CORO2B: variants seen among roughly 807,000 people sequenced by gnomAD.
CORO2B encodes the protein coronin-2B.
A neutral mutation model predicts 58.8 loss-of-function variants in CORO2B; 26 were observed. The ratio of observed to expected loss-of-function variants is 0.44; its 90% CI spans 0.32 to 0.61. CORO2B has a LOEUF of 0.61. CORO2B is among the 20% of genes least tolerant of loss of function. The pLI is 0.04. For missense variants in CORO2B, 460 were observed against 645.1 expected, an observed-to-expected ratio of 0.71 and a Z score of 3.11; for synonymous variants, 242 against 253.8, an observed-to-expected ratio of 0.95 and a Z score of 0.44.
intron 3 of CORO2B, among the ~76,000 whole-genome samples, chr15:68,708,708 C>T (rs897893127): frequency 1.3e-5 from 2 of 151,850 alleles, no homozygotes; most frequent in Non-Finnish European, 2.9e-5. Flanking sequence ...GAGACAGAGT[C>T]TCGCTCTGTT....
At chr15:68,558,997 CT>C in the CORO2B span, among the ~76,000 whole-genome samples, 1 of 152,338 alleles carries the variant, frequency 6.6e-6, no homozygotes, top group Non-Finnish European at 1.5e-5. Flanking sequence ...TCTTTCCCTA[CT>C]TTACCATCTT....
chr15:68,651,772 C>T (rs1901649552), intron 2 of CORO2B, among the ~76,000 whole-genome samples: 1 of 152,166 alleles, frequency 6.6e-6, no homozygotes, highest in Non-Finnish European at 1.5e-5. Flanking sequence ...GCCCAGGATC[C>T]CCAAATCCCT....
intron 2 of CORO2B, among the ~76,000 whole-genome samples, chr15:68,653,686 G>A (rs1369822907): frequency 6.6e-6 from 1 of 152,120 alleles, no homozygotes; most frequent in African/African-American, 2.4e-5. Flanking sequence ...CATGTCTGAG[G>A]CCTAATATTA....
chr15:68,560,383 C>T, the CORO2B span, among the ~76,000 whole-genome samples: 1 of 151,790 alleles, frequency 6.6e-6, no homozygotes, highest in South Asian at 2.1e-4. Context: ...CAGCCTCAAA[C>T]TCCTGGGCTC....
intron 3 of CORO2B, among the ~76,000 whole-genome samples, chr15:68,700,803 GGA>G (rs10548187): frequency 0.92 from 140,406 of 151,952 alleles, 65,222 homozygotes; most frequent in East Asian, 1. Context: ...CAGCAGCCGC[GGA>G]GAGAGAGAGA....
the CORO2B span, among the ~76,000 whole-genome samples, chr15:68,536,255 T>C: frequency 6.6e-6 from 1 of 152,222 alleles, no homozygotes; most frequent in African/African-American, 2.4e-5. Context: ...CTGGTAGGAA[T>C]CTTGCATGAG....
chr15:68,645,422 C>A lies in CORO2B; in HGVS notation c.216+62C>A. On this transcript the variant is annotated intron_variant, in intron 2 of 11. Transcript: ENST00000261861. This position sits in a 1 kb window ranked among gnomAD's most constrained non-coding sequence, Gnocchi z 4.5. ...AGGGCAGAGAGGAGCCCTCCTTGGT[C>A]TCTCTTAGGCCTGTTGACCCTACTT... 1 of 1,523,272 alleles carries A rather than the reference C, an allele frequency of 6.6e-7. No homozygotes were observed. Among genetic ancestry groups the A allele is most frequent in the South Asian group, 1.2e-5 (1 of 86,944 alleles). The allele number at this position is 1,523,272 out of a possible 1,614,324, so 94.4% of individuals were successfully genotyped here. A position where few individuals can be genotyped will look rare whatever the true frequency, so the allele number is the denominator to read the frequency against.
Position 68,645,180 on chromosome 15 carries a change from C to T in CORO2B, c.36C>T (p.Tyr12=). 1 of 1,614,190 alleles carries T rather than the reference C, an allele frequency of 6.2e-7. No homozygotes were observed. The highest frequency in any genetic ancestry group is 1.3e-5 in the African/African-American group (1 of 75,064). ...TVTKMSWRPQ[Y]RSSKFRNVYG... ...CACAGATGTCCTGGCGTCCGCAATA[C>T]CGTAGCTCCAAGTTCCGGAATGTCT... The change falls in exon 2 of 12, where the codon TAC becomes TAT. Residue 12 remains tyrosine (Y), a synonymous_variant. Coordinates refer to ENST00000261861, the MANE Select transcript of CORO2B (RefSeq NM_006091.5). This position sits in a 1 kb window ranked among gnomAD's most constrained non-coding sequence, Gnocchi z 4.5.
chr15:68,566,383 G>A, the CORO2B span, among the ~76,000 whole-genome samples: 4 of 152,234 alleles, frequency 2.6e-5, no homozygotes, highest in South Asian at 2.1e-4. Flanking sequence ...CAGGCTGGCT[G>A]GTTCTAAAGC....
chr15:68,649,814 T>C (rs1901575434), intron 2 of CORO2B, among the ~76,000 whole-genome samples: 2 of 152,208 alleles, frequency 1.3e-5, no homozygotes, highest in South Asian at 4.1e-4. Flanking sequence ...TCTGGCTTAT[T>C]AGAAGACAGC....
At chr15:68,651,799 T>C (rs1191317795) in intron 2 of CORO2B, among the ~76,000 whole-genome samples, 4 of 152,188 alleles carry the variant, frequency 2.6e-5, no homozygotes, top group Non-Finnish European at 4.4e-5. Context: ...AGGCCACACC[T>C]CCTGAGGGAG....
intron 1 of CORO2B, among the ~76,000 whole-genome samples, chr15:68,622,904 A>G (rs1212560349): frequency 6.6e-6 from 1 of 152,236 alleles, no homozygotes; most frequent in African/African-American, 2.4e-5. Context: ...GCTGATATTT[A>G]TAGATACTTA....
the CORO2B span, among the ~76,000 whole-genome samples, chr15:68,571,872 G>A: frequency 9.8e-5 from 15 of 152,360 alleles, no homozygotes; most frequent in African/African-American, 3.4e-4. Context: ...TTAGCCCCAA[G>A]GAGGTGGTAA....
intron 2 of CORO2B, among the ~76,000 whole-genome samples, chr15:68,685,542 A>G (rs1902938282): frequency 6.6e-6 from 1 of 152,086 alleles, no homozygotes; most frequent in Non-Finnish European, 1.5e-5. Context: ...ACCCTCCCCA[A>G]CATGAGACAA....
the CORO2B span, among the ~76,000 whole-genome samples, chr15:68,570,896 C>T: frequency 6.6e-6 from 1 of 151,504 alleles, no homozygotes; most frequent in Non-Finnish European, 1.5e-5. Flanking sequence ...GCCTCAGCCG[C>T]CCACAGTGCT....
chr15:68,596,416 C>G (rs1418181143), intron 1 of CORO2B, among the ~76,000 whole-genome samples: 4 of 151,470 alleles, frequency 2.6e-5, no homozygotes, highest in Non-Finnish European at 5.9e-5. Flanking sequence ...GGGGATAGAG[C>G]CCCATGGGAT....
At chr15:68,637,639 G>A (rs1339086089) in intron 1 of CORO2B, among the ~76,000 whole-genome samples, 2 of 152,172 alleles carry the variant, frequency 1.3e-5, no homozygotes, top group Admixed American at 6.5e-5. Context: ...GATGGAAAGT[G>A]CCAGTCTTTC....
chr15:68,719,128 G>T lies in CORO2B; in HGVS notation c.1081-16G>T. 1 of 1,605,302 alleles carries T rather than the reference G, an allele frequency of 6.2e-7. No individual in the cohort carries two copies. The highest frequency in any genetic ancestry group is 2.2e-5 in the East Asian group (1 of 44,826). ...CAGCCCCCCATGTGTCCTCTCTTCT[G>T]CTCCTCCCACTGTAGTCAGATTCCT... On this transcript the variant is annotated splice_polypyrimidine_tract_variant and intron_variant, in intron 9 of 11. Transcript: ENST00000261861.
At chr15:68,705,559 T>C (rs756611518) in intron 3 of CORO2B, among the ~76,000 whole-genome samples, 115 of 152,238 alleles carry the variant, frequency 7.6e-4, no homozygotes, top group Non-Finnish European at 1.3e-3. Flanking sequence ...GGGATATTTA[T>C]TCATCTGAGT....
Sources: allele counts gnomAD v4.1 joint callset (sites outside exome capture counted in the v4.1 genomes callset), GRCh38; gene constraint gnomAD v4.1.1; non-coding constraint Gnocchi (gnomAD v3.1); transcripts MANE v1.5; gene names NCBI Gene and HGNC (gene_info 2026-07-23, HGNC 2026-07-21).